PHAF1: variants seen among roughly 807,000 people sequenced by gnomAD.
PHAF1 encodes phagophore assembly factor 1.
Under a neutral mutation model 63.1 loss-of-function variants are expected in PHAF1, and 23 were observed. The observed-to-expected ratio is 0.36, with a 90% CI of 0.26 to 0.52. PHAF1 has a LOEUF of 0.52. PHAF1 is among the 20% of genes least tolerant of loss of function. The pLI is 0.93. For synonymous variants in PHAF1, 167 were observed against 185.0 expected (o/e 0.90, Z 0.79); for missense variants, 427 against 517.2 (o/e 0.83, Z 1.69).
chr16:67,132,437 G>GT lies in PHAF1; in HGVS notation c.276-4dup, dbSNP rs1415075225. 6 of 1,590,660 alleles carry GT rather than the reference G, an allele frequency of 3.8e-6. No homozygotes were observed. In the East Asian group the frequency reaches 1.1e-4, roughly 30 times the overall value. On this transcript the variant is annotated splice_polypyrimidine_tract_variant and intron_variant, in intron 4 of 15. Transcript: ENST00000219139. ...AAGCCTAGTATTAAAAAATATTTTTGTTTTTCAGTGGCGTGCATTTTAATT... is the reference window on the plus strand; with the variant it reads ...AAGCCTAGTATTAAAAAATATTTTTGTTTTTTCAGTGGCGTGCATTTTAATT...
rs371644944 is a variant in PHAF1 at position 67,133,577 on chromosome 16, C to T, written c.451-591C>T. Among the ~76,000 whole-genome samples, 23 of 150,600 alleles carry T rather than the reference C, an allele frequency of 1.5e-4. No individual in the cohort carries two copies. In the East Asian group the frequency reaches 4.1e-3, roughly 27 times the overall value. Reference sequence around the variant, plus strand: ...ATCCCAGCACTTTGGGAGGCCGAGGCGGGCCTCCTGGCTAACATGGTGAAA... The same window carrying T: ...ATCCCAGCACTTTGGGAGGCCGAGGTGGGCCTCCTGGCTAACATGGTGAAA... On this transcript the variant is annotated intron_variant, in intron 6 of 15. Transcript: ENST00000219139.
At chr16:67,131,790 C>T (rs1030238474) in intron 4 of PHAF1, among the ~76,000 whole-genome samples, 1 of 152,228 alleles carries the variant, frequency 6.6e-6, no homozygotes, top group Non-Finnish European at 1.5e-5. Flanking sequence ...GGATGACATG[C>T]ACAGTCCAAA....
At position 67,144,246 on chromosome 16, in the gene PHAF1, C is replaced by T. The variant is rs777084958; in HGVS notation, c.880-48C>T. The T allele has an allele frequency of 1.9e-5, 27 of 1,427,660 alleles. No individual in the cohort carries two copies. In the South Asian group the frequency reaches 2.8e-4, roughly 15 times the overall value. The allele number at this position is 1,427,660 out of a possible 1,614,324, so 88.4% of individuals were successfully genotyped here. On this transcript the variant is annotated intron_variant, in intron 10 of 15. Coordinates refer to ENST00000219139, the MANE Select transcript of PHAF1 (RefSeq NM_025187.5). ...ACATGCCTTTGGAAAGGCCTCTGCC[C>T]TGCCTCAGTAACATTCCCTCCTTGA...
Position 67,132,929 on chromosome 16 carries a change from C to T in PHAF1, c.450+18C>T, listed in dbSNP as rs1385952453. ...AGTATGAGGTTAGCCCTTCCTGTCC[C>T]CTGGTGTTTGTTGTATGTGTCTGTG... is the stretch of plus-strand genomic sequence containing the variant. On this transcript the variant is annotated intron_variant, in intron 6 of 15. Transcript: ENST00000219139. 1 of 1,566,266 alleles carries T rather than the reference C, an allele frequency of 6.4e-7. No homozygotes were observed. Among genetic ancestry groups the T allele is most frequent in the African/African-American group, 1.4e-5 (1 of 73,740 alleles).
chr16:67,130,343 G>A (rs1339866213), intron 3 of PHAF1, among the ~76,000 whole-genome samples: 3 of 132,324 alleles, frequency 2.3e-5, no homozygotes, highest in East Asian at 4.2e-4. Context: ...CACCGTGCCC[G>A]GCCTTTTTTT....
In PHAF1 at chr16:67,114,086, A is replaced by C. The variant is rs879101614; in HGVS notation, c.64+3847A>C. 1.5e-3 allele frequency among the ~76,000 whole-genome samples: 232 copies of C among 152,284 alleles called. 6 individuals carry two copies. Among genetic ancestry groups the C allele is most frequent in the Admixed American group, 0.015 (226 of 15,288 alleles). Reference sequence around the variant, plus strand: ...TTGAAATTAGTCTTGAAAGGGACTAAAAAAGGTAGATTTAAAGGGTCAGTG... The same window carrying C: ...TTGAAATTAGTCTTGAAAGGGACTACAAAAGGTAGATTTAAAGGGTCAGTG... On this transcript the variant is annotated intron_variant, in intron 1 of 15. Transcript: ENST00000219139.
At chr16:67,115,927 A>T (rs893438047) in intron 1 of PHAF1, among the ~76,000 whole-genome samples, 1 of 152,134 alleles carries the variant, frequency 6.6e-6, no homozygotes. Context: ...CCGAGACGGG[A>T]GGATAGCTTG....
At chr16:67,132,961 C>A in intron 6 of PHAF1, 50 bp downstream of exon 6, 1 of 1,421,232 alleles carries the variant, frequency 7.0e-7, no homozygotes. Flanking sequence ...TGTGGTATGG[C>A]TCAGCAGATG....
chr16:67,141,756 G>C (rs980483555), intron 10 of PHAF1, among the ~76,000 whole-genome samples: 11 of 152,188 alleles, frequency 7.2e-5, no homozygotes, highest in African/African-American at 2.7e-4. Flanking sequence ...CCCATGTCTG[G>C]ACAAGGAGAA....
chr16:67,139,833 C>T (rs1010590763), intron 8 of PHAF1, 151 bp from the exon 9 acceptor site: 1 of 793,280 alleles, frequency 1.3e-6, no homozygotes, highest in Non-Finnish European at 2.1e-6. Context: ...CAGTCTTAAG[C>T]CCTGGTGACC....
intron 2 of PHAF1, among the ~76,000 whole-genome samples, chr16:67,122,809 A>G (rs551471007): frequency 2.6e-5 from 4 of 152,024 alleles, no homozygotes; most frequent in Non-Finnish European, 5.9e-5. Flanking sequence ...GCTCACTGCA[A>G]CTTCCACCTC....
intron 6 of PHAF1, among the ~76,000 whole-genome samples, chr16:67,133,533 G>A (rs556991564): frequency 2.8e-4 from 42 of 148,350 alleles, no homozygotes; most frequent in African/African-American, 8.5e-4. Flanking sequence ...CAGGCCGGGC[G>A]CAGTGGCTCA....
At chr16:67,134,809 A>G in intron 8 of PHAF1, 1 of 455,126 alleles carries the variant, frequency 2.2e-6, no homozygotes, top group Non-Finnish European at 4.4e-6. Flanking sequence ...TGCTTCCATA[A>G]TGTAATCACC....
chr16:67,118,225 G>A (rs1210720694), intron 1 of PHAF1, among the ~76,000 whole-genome samples: 2 of 146,894 alleles, frequency 1.4e-5, no homozygotes, highest in South Asian at 2.2e-4. Context: ...TGCCCTCCTC[G>A]GCCTCCCAAA....
Position 67,147,318 on chromosome 16 carries a change from C to G in PHAF1, c.*187C>G, listed in dbSNP as rs562907980. The G allele has an allele frequency of 2.1e-4, 119 of 568,242 alleles. 2 individuals are homozygous for G. In the South Asian group the frequency reaches 2.8e-3, roughly 13 times the overall value. The allele number at this position is 568,242 out of a possible 1,614,324, so 35.2% of individuals were successfully genotyped here. A position where few individuals can be genotyped will look rare whatever the true frequency, so the allele number is the denominator to read the frequency against. On this transcript the variant is annotated 3_prime_UTR_variant, in exon 16 of 16. Coordinates refer to ENST00000219139, the MANE Select transcript of PHAF1 (RefSeq NM_025187.5). ...CTGAGTGGCCCAGATATTCTTCTGT[C>G]CATCTTTGGCCTGCTGGTGCCAGCA... is the stretch of plus-strand genomic sequence containing the variant.
At chr16:67,130,985 G>A (rs1182536648) in intron 3 of PHAF1, among the ~76,000 whole-genome samples, 1 of 152,138 alleles carries the variant, frequency 6.6e-6, no homozygotes, top group Non-Finnish European at 1.5e-5. Context: ...TGTCATGGTG[G>A]CTCATGCTTG....
chr16:67,133,073 T>C, intron 6 of PHAF1, 162 bp downstream of exon 6: 1 of 641,650 alleles, frequency 1.6e-6, no homozygotes, highest in Middle Eastern at 4.4e-4. Flanking sequence ...AGTGGGTGGG[T>C]TGACAGAGGA....
At chr16:67,119,944 A>T (rs991451177) in intron 1 of PHAF1, among the ~76,000 whole-genome samples, 168 bp from the exon 2 acceptor site, 3 of 152,140 alleles carry the variant, frequency 2.0e-5, no homozygotes, top group African/African-American at 4.8e-5. Flanking sequence ...GCTTAACATT[A>T]TTGTAGCTCT....
intron 10 of PHAF1, among the ~76,000 whole-genome samples, chr16:67,142,457 C>G (rs1171280687): frequency 1.3e-5 from 2 of 152,226 alleles, no homozygotes; most frequent in African/African-American, 2.4e-5. Flanking sequence ...GCCCAGGAGC[C>G]CTTCTGCTTC....
Sources: allele counts gnomAD v4.1 joint callset (sites outside exome capture counted in the v4.1 genomes callset), GRCh38; gene constraint gnomAD v4.1.1; transcripts MANE v1.5; gene names NCBI Gene and HGNC (gene_info 2026-07-23, HGNC 2026-07-21).